Variants in ILDR2 observed in about 807,000 individuals in gnomAD.
The protein encoded by ILDR2 is immunoglobulin-like domain-containing receptor 2.
Under a neutral mutation model 66.8 loss-of-function variants are expected in ILDR2, and 25 were observed. The ratio of observed to expected loss-of-function variants is 0.37; its 90% CI spans 0.27 to 0.52. The LOEUF (loss-of-function observed/expected upper bound fraction) is 0.52. ILDR2 is among the 20% of genes least tolerant of loss of function. ILDR2 has a pLI of 0.88. For missense variants in ILDR2, 827 were observed against 876.8 expected (o/e 0.94, Z 0.72); for synonymous variants, 367 against 357.2 (o/e 1.03, Z -0.31).
downstream of ILDR2, among the ~76,000 whole-genome samples, chr1:166,905,852 T>A (rs1325111307): frequency 2.0e-5 from 3 of 152,328 alleles, no homozygotes; most frequent in East Asian, 3.9e-4. Context: ...TCTGTGGCCA[T>A]ACTCTATCTC....
rs1037524718 is a variant in ILDR2, at chr1:166,918,278, A to T, written c.*1077T>A. 2 of 152,210 alleles carry T rather than the reference A, an allele frequency of 1.3e-5. No individual in the cohort carries two copies. Among genetic ancestry groups the T allele is most frequent in the African/African-American group, 2.4e-5 (1 of 41,462 alleles). The allele number at this position is 152,210 out of a possible 1,614,324, so 9.4% of individuals were successfully genotyped here. A position where few individuals can be genotyped will look rare whatever the true frequency, so the allele number is the denominator to read the frequency against. On this transcript the variant is annotated 3_prime_UTR_variant, in exon 10 of 10. Transcript: ENST00000271417. The stretch of plus-strand genomic sequence containing the variant: ...ATGTTCCACATCCCCCATGTCCTAG[A>T]ATGGCAGAACTGGGATGGCAGAAAC...
Position 166,919,240 on chromosome 1 carries a change from CA to C in ILDR2, c.*114del, listed in dbSNP as rs753933214. On this transcript the variant is annotated 3_prime_UTR_variant, in exon 10 of 10. Transcript: ENST00000271417. ...CATCCCTTGCCAAAGCAGAGATCAG[CA>C]AATCTTCCAAGGTGATGGCCAGAGA... 54 of 990,860 alleles carry C rather than the reference CA, an allele frequency of 5.4e-5. 1 individual carries two copies. Among genetic ancestry groups the C allele is most frequent in the South Asian group, 4.1e-4 (29 of 69,894 alleles). The allele number at this position is 990,860 out of a possible 1,614,324, so 61.4% of individuals were successfully genotyped here. A position where few individuals can be genotyped will look rare whatever the true frequency, so the allele number is the denominator to read the frequency against.
intron 1 of ILDR2, among the ~76,000 whole-genome samples, chr1:166,960,076 A>G (rs774839536): frequency 6.6e-6 from 1 of 152,244 alleles, no homozygotes; most frequent in Non-Finnish European, 1.5e-5. Flanking sequence ...TGACAAGGGC[A>G]AGATACATGT....
Position 166,919,259 on chromosome 1 carries a change from G to T in ILDR2, c.*96C>A. ...GATCAGCAAATCTTCCAAGGTGATG[G>T]CCAGAGAAGGTCCTGGGCCTGCTGG... is the stretch of plus-strand genomic sequence containing the variant. On this transcript the variant is annotated 3_prime_UTR_variant, in exon 10 of 10. Coordinates refer to ENST00000271417, the MANE Select transcript of ILDR2 (RefSeq NM_199351.3). 1 of 1,152,312 alleles carries T rather than the reference G, an allele frequency of 8.7e-7. No homozygotes were observed. The highest frequency in any genetic ancestry group is 1.3e-6 in the Non-Finnish European group (1 of 781,070). 71.4% of individuals were successfully genotyped at this position (1,152,312 alleles called of 1,614,324 possible). A position where few individuals can be genotyped will look rare whatever the true frequency, so the allele number is the denominator to read the frequency against.
intron 2 of ILDR2, among the ~76,000 whole-genome samples, chr1:166,902,876 C>G (rs1659284541): frequency 6.6e-6 from 1 of 152,156 alleles, no homozygotes; most frequent in African/African-American, 2.4e-5. Flanking sequence ...ATTAGTTATT[C>G]AAGTCAAAGA....
intron 1 of ILDR2, among the ~76,000 whole-genome samples, chr1:166,973,593 C>A (rs1433316309): frequency 2.8e-5 from 4 of 144,232 alleles, no homozygotes; most frequent in Non-Finnish European, 4.5e-5. Flanking sequence ...GTAAAGAGCA[C>A]CTCTGACTCA....
chr1:166,909,074 G>A lies in ILDR2; in HGVS notation c.*10281C>T, dbSNP rs776113127. On this transcript the variant is annotated 3_prime_UTR_variant, in exon 10 of 10. Transcript: ENST00000271417. ...CTATCCCACTATCCAGTCCATCGCAGTCTCACCTTCCTGGTCATAAACAGA... is the reference window on the plus strand; with the variant it reads ...CTATCCCACTATCCAGTCCATCGCAATCTCACCTTCCTGGTCATAAACAGA... The A allele has an allele frequency of 2.6e-5, 4 of 152,322 alleles. No homozygotes were observed. The highest frequency in any genetic ancestry group is 4.4e-5 in the Non-Finnish European group (3 of 68,056). The allele number at this position is 152,322 out of a possible 1,614,324, so 9.4% of individuals were successfully genotyped here. A position where few individuals can be genotyped will look rare whatever the true frequency, so the allele number is the denominator to read the frequency against.
chr1:166,935,188 C>A lies in ILDR2; in HGVS notation c.880+113G>T, dbSNP rs1571139781. On this transcript the variant is annotated intron_variant, in intron 6 of 9. Transcript: ENST00000271417. Reference sequence around the variant, plus strand: ...AGCTGGAAGGATCCCATTTCTGGAACAGAGAAAACTATTTTCCAAAGACAC... The same window carrying A: ...AGCTGGAAGGATCCCATTTCTGGAAAAGAGAAAACTATTTTCCAAAGACAC... 15 of 1,047,008 alleles carry A rather than the reference C, an allele frequency of 1.4e-5. No individual in the cohort carries two copies. In the East Asian group the frequency reaches 3.6e-4, roughly 25 times the overall value. The allele number at this position is 1,047,008 out of a possible 1,614,324, so 64.9% of individuals were successfully genotyped here.
intron 1 of ILDR2, among the ~76,000 whole-genome samples, chr1:166,973,882 C>G (rs942155157): frequency 6.6e-6 from 1 of 152,098 alleles, no homozygotes; most frequent in African/African-American, 2.4e-5. Flanking sequence ...GCTGAGGATG[C>G]CTCCCCCAGC....
intron 2 of ILDR2, 27 bp from the exon 3 acceptor site, chr1:166,956,879 T>A: frequency 6.2e-7 from 1 of 1,609,756 alleles, no homozygotes; most frequent in African/African-American, 1.3e-5. Flanking sequence ...AAGGACTCAG[T>A]CCTAAAACTC....
intron 1 of ILDR2, among the ~76,000 whole-genome samples, chr1:166,964,345 C>A (rs758950733): frequency 6.6e-6 from 1 of 152,138 alleles, no homozygotes; most frequent in Non-Finnish European, 1.5e-5. Context: ...TGAAACACTA[C>A]GCTAAGTTCT....
chr1:166,951,331 A>C (rs1661966215), intron 3 of ILDR2, among the ~76,000 whole-genome samples: 1 of 152,198 alleles, frequency 6.6e-6, no homozygotes, highest in Non-Finnish European at 1.5e-5. Context: ...GCTAACACAG[A>C]GAGTGCAGAG....
At chr1:166,967,649 T>C (rs1663041807) in intron 1 of ILDR2, among the ~76,000 whole-genome samples, 1 of 152,108 alleles carries the variant, frequency 6.6e-6, no homozygotes, top group South Asian at 2.1e-4. Context: ...CCCAGCTTCT[T>C]GGGAGGCTGA....
rs1659735553 is a variant in ILDR2, at chr1:166,918,721, T to C, written c.*634A>G. ...TTCAAAAAGGTATACTCGCTTTTGC[T>C]TTGTCCTAGCCACTTAAGAATTGTC... On this transcript the variant is annotated 3_prime_UTR_variant, in exon 10 of 10. Transcript: ENST00000271417. 6.5e-6 allele frequency: 1 copy of C among 152,932 alleles called. No individual in the cohort carries two copies. The highest frequency in any genetic ancestry group is 1.5e-5 in the Non-Finnish European group (1 of 68,312). 9.5% of individuals were successfully genotyped at this position (152,932 alleles called of 1,614,324 possible).
At chr1:166,970,858 G>A (rs7520897) in intron 1 of ILDR2, among the ~76,000 whole-genome samples, 65,304 of 152,004 alleles carry the variant, frequency 0.43, 15,287 homozygotes, top group African/African-American at 0.62. Context: ...AAAGAAGATG[G>A]ACGAGGTACG....
chr1:166,935,376 A>G lies in ILDR2; in HGVS notation c.805T>C (p.Ser269Pro). ...IPSVPLGGAP[S>P]SGMLMDKPHP... ...GGCTTGTCCATCAGCATGCCAGATGAGGGGGCTCCTCCCAAAGGGACAGAG... is the reference window on the plus strand; with the variant it reads ...GGCTTGTCCATCAGCATGCCAGATGGGGGGGCTCCTCCCAAAGGGACAGAG... The change falls in exon 6 of 10, where the codon TCA becomes CCA. Residue 269 changes from serine to proline, a missense_variant. This residue lies in a region of ILDR2 where 437 missense variants were observed against 523.2 expected (regional missense o/e 0.84). Transcript: ENST00000271417. 3 of 1,614,048 alleles carry G rather than the reference A, an allele frequency of 1.9e-6. No homozygotes were observed. The highest frequency in any genetic ancestry group is 2.5e-6 in the Non-Finnish European group (3 of 1,180,006).
chr1:166,942,856 T>C (rs1235803203), intron 3 of ILDR2, among the ~76,000 whole-genome samples: 1 of 152,214 alleles, frequency 6.6e-6, no homozygotes, highest in African/African-American at 2.4e-5. Flanking sequence ...TGAAGGAACT[T>C]GCATTTTTTT....
chr1:166,962,979 C>A (rs1662710568), intron 1 of ILDR2, among the ~76,000 whole-genome samples: 1 of 152,212 alleles, frequency 6.6e-6, no homozygotes, highest in African/African-American at 2.4e-5. Flanking sequence ...TTAACAAACA[C>A]TTTAAATTAA....
At chr1:166,898,955 G>T (rs2101811364) in intron 2 of ILDR2, among the ~76,000 whole-genome samples, 1 of 152,120 alleles carries the variant, frequency 6.6e-6, no homozygotes, top group Non-Finnish European at 1.5e-5. Context: ...AACAACTTTG[G>T]AGGCTGAGGT....
Sources: allele counts gnomAD v4.1 joint callset (sites outside exome capture counted in the v4.1 genomes callset), GRCh38; gene constraint gnomAD v4.1.1; regional missense constraint gnomAD v4.1.1; transcripts MANE v1.5; gene names NCBI Gene and HGNC (gene_info 2026-07-23, HGNC 2026-07-21).